The following KALRN variants were observed in gnomAD, a reference collection of about 807,000 sequenced individuals.
KALRN encodes the protein kalirin.
KALRN carries 70 observed loss-of-function variants against 353.7 expected under a neutral mutation model. The observed-to-expected ratio is 0.20, with a 90% CI of 0.16 to 0.24. The LOEUF (loss-of-function observed/expected upper bound fraction) is 0.24. Ranked by LOEUF, KALRN falls within the 10% of genes least tolerant of loss-of-function variation. The probability of loss-of-function intolerance (pLI) is 1.00; values close to 1 mark genes in which losing one functional copy is unlikely to be tolerated. For missense variants in KALRN, 2,791 were observed against 3,756.7 expected (o/e 0.74, Z 6.72); for synonymous variants, 1,391 against 1,434.8 (o/e 0.97, Z 0.69).
intron 1 of KALRN, among the ~76,000 whole-genome samples, chr3:124,188,215 A>G (rs915384198): frequency 3.9e-5 from 6 of 152,294 alleles, no homozygotes; most frequent in South Asian, 4.2e-4. Flanking sequence ...GCTAGGCCTC[A>G]CCACCAGAGA....
At chr3:124,239,912 A>G (rs967603102) in intron 3 of KALRN, among the ~76,000 whole-genome samples, 1 of 152,218 alleles carries the variant, frequency 6.6e-6, no homozygotes, top group African/African-American at 2.4e-5. Context: ...GGGAGGGATC[A>G]GGTGATGGAA....
intron 3 of KALRN, among the ~76,000 whole-genome samples, chr3:124,255,504 A>G (rs188507189): frequency 2.6e-5 from 4 of 152,340 alleles, no homozygotes; most frequent in Admixed American, 1.3e-4. Flanking sequence ...GCATGAATAA[A>G]TTAATGAACT....
At chr3:124,518,531 G>T in intron 33 of KALRN, 1 of 1,612,390 alleles carries the variant, frequency 6.2e-7, no homozygotes, top group Non-Finnish European at 8.5e-7. Flanking sequence ...CTCCCACCAG[G>T]ACTCCAATCA....
intron 47 of KALRN, among the ~76,000 whole-genome samples, chr3:124,668,146 A>G (rs2085906876): frequency 6.6e-6 from 1 of 151,770 alleles, no homozygotes; most frequent in Non-Finnish European, 1.5e-5. Flanking sequence ...TCCGTCCTAC[A>G]TGGCCATACG....
chr3:124,130,800 A>C (rs975273667), intron 1 of KALRN, among the ~76,000 whole-genome samples: 2 of 152,210 alleles, frequency 1.3e-5, no homozygotes, highest in African/African-American at 4.8e-5. Context: ...TATACAGAAA[A>C]GATAAAGAGC....
At chr3:124,055,639 C>G (rs2041460662) in intron 1 of KALRN, among the ~76,000 whole-genome samples, 1 of 152,180 alleles carries the variant, frequency 6.6e-6, no homozygotes, top group Non-Finnish European at 1.5e-5. Flanking sequence ...AGGCAGCTCT[C>G]CAGTGGAGGT....
intron 1 of KALRN, among the ~76,000 whole-genome samples, chr3:124,206,424 A>G (rs1444766): frequency 0.23 from 35,559 of 152,152 alleles, 4,235 homozygotes; most frequent in Middle Eastern, 0.32. Context: ...ACTGTTCCTA[A>G]CTGCAAGGGC....
intron 1 of KALRN, among the ~76,000 whole-genome samples, chr3:124,081,689 GA>G: frequency 6.6e-6 from 1 of 152,250 alleles, no homozygotes; most frequent in Admixed American, 6.5e-5. Context: ...AGGATCCCTT[GA>G]GCCTGAAAGT....
At chr3:124,413,710 C>G (rs1288873165) in intron 14 of KALRN, 45 bp downstream of exon 14, 1 of 1,493,214 alleles carries the variant, frequency 6.7e-7, no homozygotes. Context: ...ATGATGAAAA[C>G]AAGCATACCA....
chr3:124,185,467 T>C (rs1369703157), intron 1 of KALRN, among the ~76,000 whole-genome samples: 2 of 152,174 alleles, frequency 1.3e-5, no homozygotes, highest in Admixed American at 1.3e-4. Flanking sequence ...CCTGCTACCT[T>C]TGTCTTTCTC....
chr3:124,228,160 T>C (rs2078778516), intron 2 of KALRN, 96 bp downstream of exon 2: 1 of 1,012,598 alleles, frequency 9.9e-7, no homozygotes, highest in South Asian at 1.3e-5. Flanking sequence ...AGGGGAGAAG[T>C]AGGGGTGGGG....
At chr3:124,182,780 T>C (rs2073781997) in intron 1 of KALRN, among the ~76,000 whole-genome samples, 1 of 152,176 alleles carries the variant, frequency 6.6e-6, no homozygotes, top group African/African-American at 2.4e-5. Context: ...CATCTCACTA[T>C]CAGCCTCCAG....
chr3:124,057,766 T>C (rs965270463), intron 1 of KALRN, among the ~76,000 whole-genome samples: 4 of 152,194 alleles, frequency 2.6e-5, no homozygotes, highest in African/African-American at 9.7e-5. Flanking sequence ...GTATTTCTGC[T>C]GCTCAAGGAC....
intron 6 of KALRN, among the ~76,000 whole-genome samples, chr3:124,322,859 T>G (rs977648858): frequency 1.3e-5 from 2 of 152,200 alleles, no homozygotes; most frequent in African/African-American, 4.8e-5. Context: ...CCCATTTCTC[T>G]CAGGTTCTGG....
At chr3:124,095,512 A>G (rs2061389511) in intron 1 of KALRN, among the ~76,000 whole-genome samples, 2 of 152,204 alleles carry the variant, frequency 1.3e-5, no homozygotes, top group Non-Finnish European at 2.9e-5. Flanking sequence ...TGCACCTCTT[A>G]GCTTCACAGA....
At chr3:124,164,721 T>G (rs2070537995) in intron 1 of KALRN, 1 of 152,170 alleles carries the variant, frequency 6.6e-6, no homozygotes, top group Non-Finnish European at 1.5e-5. Flanking sequence ...TCCTATCCCT[T>G]TCCTGTTTTA....
intron 1 of KALRN, among the ~76,000 whole-genome samples, chr3:124,078,890 CT>C (rs1214742262): frequency 6.6e-6 from 1 of 152,162 alleles, no homozygotes; most frequent in Non-Finnish European, 1.5e-5. Flanking sequence ...TTGTATTCAA[CT>C]TTTACCAAGC....
At chr3:124,454,671 G>GTT (rs56042332) in intron 21 of KALRN, among the ~76,000 whole-genome samples, 30 of 151,124 alleles carry the variant, frequency 2.0e-4, no homozygotes, top group Non-Finnish European at 2.7e-4. Flanking sequence ...AACTGAAAAT[G>GTT]TTTTTTTTTC....
At chr3:124,237,701 T>G (rs572557186) in intron 3 of KALRN, among the ~76,000 whole-genome samples, 2 of 152,338 alleles carry the variant, frequency 1.3e-5, no homozygotes, top group South Asian at 4.1e-4. Flanking sequence ...TTATTCATTA[T>G]GTAGTCAACA....
Sources: gnomAD v4.1 joint callset for allele counts (sites outside exome capture counted in the v4.1 genomes callset) on GRCh38, gnomAD v4.1.1 for gene constraint, MANE v1.5 for transcripts, NCBI Gene and HGNC (gene_info 2026-07-23, HGNC 2026-07-21) for gene names.